The following ATP11A variants were observed in gnomAD, a reference collection of about 807,000 sequenced individuals.
The protein encoded by ATP11A is phospholipid-transporting ATPase IH.
In ATP11A, 81 loss-of-function variants were observed where a neutral mutation model predicts 154.4. The observed-to-expected ratio is 0.52, with a 90% CI of 0.44 to 0.63. The LOEUF (loss-of-function observed/expected upper bound fraction) is 0.63, where lower values mean the gene tolerates loss of function less well. Ranked by LOEUF, ATP11A falls within the 30% of genes least tolerant of loss-of-function variation. The probability of loss-of-function intolerance (pLI) is 0.00; values close to 1 mark genes in which losing one functional copy is unlikely to be tolerated. For synonymous variants in ATP11A, 623 were observed against 585.9 expected (o/e 1.06, Z -0.91); for missense variants, 1,316 against 1,474.3 (o/e 0.89, Z 1.76).
At chr13:112,768,210 G>A (rs2077142497) in intron 1 of ATP11A, among the ~76,000 whole-genome samples, 1 of 152,242 alleles carries the variant, frequency 6.6e-6, no homozygotes, top group Non-Finnish European at 1.5e-5. Flanking sequence ...GCCCTGTGAT[G>A]AGCTACATGG....
chr13:112,762,143 G>C (rs750708508), intron 1 of ATP11A, among the ~76,000 whole-genome samples: 1 of 152,160 alleles, frequency 6.6e-6, no homozygotes, highest in East Asian at 1.9e-4. Flanking sequence ...TAAGTGTGTG[G>C]GAAACCTTCA....
chr13:112,864,151 T>A (rs1479902681), intron 25 of ATP11A, among the ~76,000 whole-genome samples: 2 of 99,802 alleles, frequency 2.0e-5, no homozygotes, highest in African/African-American at 3.7e-5. Context: ...CCCAGCGGGG[T>A]CCATCACCAC....
intron 26 of ATP11A, 82 bp from the exon 27 acceptor site, chr13:112,873,491 C>T (rs1459782378): frequency 9.3e-7 from 1 of 1,074,068 alleles, no homozygotes; most frequent in Non-Finnish European, 1.3e-6. Context: ...TCTCGTCACC[C>T]CCCGGCTCTC....
Position 112,705,405 on chromosome 13 carries a change from G to C in ATP11A, c.39+14950G>C, listed in dbSNP as rs913141540. Among the ~76,000 whole-genome samples the C allele has an allele frequency of 5.9e-5, 8 of 136,334 alleles. No individual in the cohort carries two copies. The East Asian group carries it at 1.5e-3, about 26-fold the overall frequency. 89.4% of individuals were successfully genotyped at this position (136,334 alleles called of 152,430 possible). On this transcript the variant is annotated intron_variant, in intron 1 of 29. Transcript: ENST00000375645. ...GTGCTCAGCAGTTGATGTTCATCCC[G>C]CACGCACTGAGCAGCTGCTGTATGC...
chr13:112,829,050 A>G (rs2079022398), intron 12 of ATP11A, among the ~76,000 whole-genome samples: 1 of 152,250 alleles, frequency 6.6e-6, no homozygotes, highest in Non-Finnish European at 1.5e-5. Context: ...CTGTGTGCTC[A>G]GTGCTATTGC....
chr13:112,816,173 G>T lies in ATP11A; in HGVS notation c.532G>T (p.Val178Phe). Residue 178 changes from valine to phenylalanine, a missense_variant, in exon 6 of 30, where the codon GTC (valine) becomes TTC (phenylalanine). This residue lies in a region of ATP11A where 876 missense variants were observed against 1,006.8 expected (regional missense o/e 0.87). Coordinates refer to ENST00000375645, the MANE Select transcript of ATP11A (RefSeq NM_015205.3). ...SSNRGDGTCH[V>F]TTASLDGESS... ...CAACCGGGGAGATGGGACGTGCCAC[G>T]TCACCACCGCCAGCTTGGATGGAGA... The T allele has an allele frequency of 6.2e-7, 1 of 1,614,138 alleles. No individual in the cohort carries two copies. The highest frequency in any genetic ancestry group is 1.1e-5 in the South Asian group (1 of 91,078).
chr13:112,696,679 C>T lies in ATP11A; in HGVS notation c.39+6224C>T, dbSNP rs1885853317. 6.6e-6 allele frequency among the ~76,000 whole-genome samples: 1 copy of T among 152,092 alleles called. No individual in the cohort carries two copies. The highest frequency in any genetic ancestry group is 6.5e-5 in the Admixed American group (1 of 15,272). ...TCTCCTGTCTCTTCTGTGCCTACCG[C>T]GGGGGGTTCCCTTACCAAGGTCTCC... On this transcript the variant is annotated intron_variant, in intron 1 of 29. Transcript: ENST00000375645. The surrounding 1 kb of genome is among the most constrained non-coding windows in gnomAD (Gnocchi z 6.2).
chr13:112,820,070 C>T (rs1331884004), intron 8 of ATP11A, 120 bp downstream of exon 8: 22 of 976,384 alleles, frequency 2.3e-5, no homozygotes, highest in East Asian at 2.9e-5. Flanking sequence ...GGTGGAGTTC[C>T]GCTTTCCCAC....
intron 1 of ATP11A, among the ~76,000 whole-genome samples, chr13:112,767,864 G>T (rs34310808): frequency 6.6e-6 from 1 of 151,982 alleles, no homozygotes; most frequent in Non-Finnish European, 1.5e-5. Flanking sequence ...CAGTGCCTGC[G>T]TGCAGACCCC....
In ATP11A at chr13:112,857,804, T is replaced by C. The variant is rs747052519; in HGVS notation, c.2419-14T>C. The C allele has an allele frequency of 1.9e-6, 3 of 1,602,362 alleles. No individual in the cohort carries two copies. Among genetic ancestry groups the C allele is most frequent in the Non-Finnish European group, 2.6e-6 (3 of 1,169,322 alleles). The stretch of plus-strand genomic sequence containing the variant: ...AAACAGAGAAGATAAATTCCGCATT[T>C]CTTTCTTTTGCAGATTGTTAAATTA... On this transcript the variant is annotated splice_polypyrimidine_tract_variant and intron_variant, in intron 20 of 29. Coordinates refer to ENST00000375645, the MANE Select transcript of ATP11A (RefSeq NM_015205.3).
At chr13:112,725,771 C>T (rs193140366) in intron 1 of ATP11A, among the ~76,000 whole-genome samples, 20 of 152,344 alleles carry the variant, frequency 1.3e-4, no homozygotes, top group Non-Finnish European at 2.5e-4. Context: ...CTAAGGACAA[C>T]GTCCCTGAGG....
At chr13:112,784,783 A>G (rs1050150144) in intron 1 of ATP11A, among the ~76,000 whole-genome samples, 9 of 152,106 alleles carry the variant, frequency 5.9e-5, no homozygotes, top group Admixed American at 1.3e-4. Flanking sequence ...TCGGCCTCCC[A>G]AAGTGCTGGG....
chr13:112,879,662 C>T (rs915745259), intron 29 of ATP11A, among the ~76,000 whole-genome samples: 5 of 152,254 alleles, frequency 3.3e-5, no homozygotes, highest in African/African-American at 1.2e-4. Context: ...GGGCCGGCGT[C>T]CACACTTGAA....
intron 25 of ATP11A, among the ~76,000 whole-genome samples, chr13:112,866,857 G>C (rs2080351492): frequency 6.6e-6 from 1 of 151,924 alleles, no homozygotes; most frequent in Non-Finnish European, 1.5e-5. Context: ...GGTCTATCTT[G>C]AGAACCAATT....
In ATP11A at chr13:112,882,666, G is replaced by A. The variant is rs1198974855; in HGVS notation, c.*800G>A. ...CGCCTCGTGGAGAAGGCAGTGCCAC[G>A]TGGGAGGACAAGGCCACGCCGGCAG... On this transcript the variant is annotated 3_prime_UTR_variant, in exon 30 of 30. Coordinates refer to ENST00000375645, the MANE Select transcript of ATP11A (RefSeq NM_015205.3). This position sits in a 1 kb window ranked among gnomAD's most constrained non-coding sequence, Gnocchi z 5.1. 15 of 399,918 alleles carry A rather than the reference G, an allele frequency of 3.8e-5. No homozygotes were observed. The highest frequency in any genetic ancestry group is 1.7e-4 in the Admixed American group (4 of 22,928). 24.8% of individuals were successfully genotyped at this position (399,918 alleles called of 1,614,324 possible). A position where few individuals can be genotyped will look rare whatever the true frequency, so the allele number is the denominator to read the frequency against.
At chr13:112,794,868 T>C (rs768104017) in intron 2 of ATP11A, among the ~76,000 whole-genome samples, 3 of 146,202 alleles carry the variant, frequency 2.1e-5, no homozygotes, top group African/African-American at 5.1e-5. Flanking sequence ...TAAGACCCTG[T>C]CTCAAGAAAA....
intron 25 of ATP11A, among the ~76,000 whole-genome samples, chr13:112,864,276 A>C (rs2080236849): frequency 9.1e-6 from 1 of 109,436 alleles, no homozygotes; most frequent in African/African-American, 3.4e-5. Context: ...CCACCTGCGC[A>C]GTAATTCAGT....
intron 1 of ATP11A, among the ~76,000 whole-genome samples, chr13:112,731,117 T>A (rs901585906): frequency 4.6e-5 from 7 of 151,960 alleles, no homozygotes; most frequent in African/African-American, 1.7e-4. Flanking sequence ...GTATTTGTAG[T>A]AGAGACAGGG....
intron 25 of ATP11A, among the ~76,000 whole-genome samples, chr13:112,870,433 T>C (rs1055131963): frequency 2.0e-5 from 3 of 152,160 alleles, no homozygotes; most frequent in East Asian, 1.9e-4. Context: ...CGTTGGAGTG[T>C]AGTGGCGTGA....
Sources: allele counts gnomAD v4.1 joint callset (sites outside exome capture counted in the v4.1 genomes callset), GRCh38; gene constraint gnomAD v4.1.1; regional missense constraint gnomAD v4.1.1; non-coding constraint Gnocchi (gnomAD v3.1); transcripts MANE v1.5; gene names NCBI Gene and HGNC (gene_info 2026-07-23, HGNC 2026-07-21).